EVC2: variants seen among roughly 807,000 people sequenced by gnomAD.
EVC2 encodes the protein limbin.
In EVC2, 148 loss-of-function variants were observed where a neutral mutation model predicts 149.3. The observed-to-expected ratio is 0.99, with a 90% CI of 0.87 to 1.14. EVC2 has a LOEUF of 1.14. Among genes scored for constraint, EVC2 ranks in the 50% most tolerant of loss-of-function variants. EVC2 has a pLI of 0.00. For missense variants in EVC2, 1,854 were observed against 1,627.3 expected, an observed-to-expected ratio of 1.14 and a Z score of -2.40; for synonymous variants, 776 against 649.9, an observed-to-expected ratio of 1.19 and a Z score of -2.95.
rs577497558 is a variant in EVC2 at position 5,569,306 on chromosome 4, G to C, written c.3361-666C>G. Among the ~76,000 whole-genome samples, 50 of 152,302 alleles carry C rather than the reference G, an allele frequency of 3.3e-4. No homozygotes were observed. Among genetic ancestry groups the C allele is most frequent in the African/African-American group, 1.1e-3 (47 of 41,560 alleles). On this transcript the variant is annotated intron_variant, in intron 19 of 21. Transcript: ENST00000344408. The surrounding 1 kb of genome is among the most constrained non-coding windows in gnomAD (Gnocchi z 4.8). Reference sequence around the variant, plus strand: ...CCTTTGTGGTGGTTGACAGCTCTGTGTCTTGATGGTGCTGCTGGTTACATG... The same window carrying C: ...CCTTTGTGGTGGTTGACAGCTCTGTCTCTTGATGGTGCTGCTGGTTACATG...
At chr4:5,538,497 C>T (rs1721458983), downstream of EVC2, among the ~76,000 whole-genome samples, 1 of 152,056 alleles carries the variant, frequency 6.6e-6, no homozygotes, top group African/African-American at 2.4e-5. Flanking sequence ...GATTCCAAAA[C>T]CAGACAAAGA....
chr4:5,573,358 T>C (rs1384274977), intron 19 of EVC2, among the ~76,000 whole-genome samples: 3 of 152,090 alleles, frequency 2.0e-5, no homozygotes, highest in Non-Finnish European at 4.4e-5. Context: ...TTTCCTGCTG[T>C]GTTAGGTCAG....
intron 16 of EVC2, among the ~76,000 whole-genome samples, chr4:5,589,751 G>A (rs1712618952): frequency 6.6e-6 from 1 of 152,090 alleles, no homozygotes. Flanking sequence ...TTTGTTTTAG[G>A]TAAGGAGTAA....
rs1190261021 is a variant in EVC2, at chr4:5,637,353, C to T, written c.1470+3161G>A. 6.6e-6 allele frequency among the ~76,000 whole-genome samples: 1 copy of T among 152,198 alleles called. No homozygotes were observed. The highest frequency in any genetic ancestry group is 6.5e-5 in the Admixed American group (1 of 15,276). On this transcript the variant is annotated intron_variant, in intron 10 of 21. Coordinates refer to ENST00000344408, the MANE Select transcript of EVC2 (RefSeq NM_147127.5). This position sits in a 1 kb window ranked among gnomAD's most constrained non-coding sequence, Gnocchi z 4.4. ...GGCATGCTGCTGGACATGAGGCTGA[C>T]TGTCCTCGGGCAGGTGAACCTTCCC...
chr4:5,634,462 T>G (rs1716758811), intron 10 of EVC2, among the ~76,000 whole-genome samples: 1 of 152,174 alleles, frequency 6.6e-6, no homozygotes, highest in Non-Finnish European at 1.5e-5. Context: ...TTATTTTAAT[T>G]AATAGAAATG....
chr4:5,588,063 A>G (rs1312160710), intron 16 of EVC2, among the ~76,000 whole-genome samples: 1 of 152,164 alleles, frequency 6.6e-6, no homozygotes, highest in Non-Finnish European at 1.5e-5. Flanking sequence ...ATTTCCTATA[A>G]CATTTCTTGG....
chr4:5,608,408 C>T (rs1238317307), intron 16 of EVC2, among the ~76,000 whole-genome samples: 1 of 152,220 alleles, frequency 6.6e-6, no homozygotes, highest in African/African-American at 2.4e-5. Context: ...ACTCTCAAGA[C>T]ATGATTGTGA....
At position 5,652,664 on chromosome 4, in the gene EVC2, G is replaced by A. The variant is rs965161010; in HGVS notation, c.1145+10443C>T. The stretch of plus-strand genomic sequence containing the variant: ...CAGGGTGAGGGAGATGGCAGGGAGG[G>A]TCTGCAGCCTTAGATGAGGATTCTT... On this transcript the variant is annotated intron_variant, in intron 9 of 21. Coordinates refer to ENST00000344408, the MANE Select transcript of EVC2 (RefSeq NM_147127.5). Among the ~76,000 whole-genome samples, 3 of 152,258 alleles carry A rather than the reference G, an allele frequency of 2.0e-5. No homozygotes were observed. In the East Asian group the frequency reaches 5.8e-4, roughly 29 times the overall value.
At chr4:5,697,698 G>A (rs750727256) in intron 1 of EVC2, 51 bp from the exon 2 acceptor site, 15 of 1,500,004 alleles carry the variant, frequency 1.0e-5, no homozygotes, top group African/African-American at 1.4e-5. Context: ...CTTCTGAGAA[G>A]TGATAATAAA....
intron 7 of EVC2, among the ~76,000 whole-genome samples, chr4:5,671,785 C>T (rs1179083706): frequency 2.0e-5 from 3 of 152,240 alleles, no homozygotes; most frequent in Non-Finnish European, 2.9e-5. Flanking sequence ...GTTGGGATTA[C>T]AGACGTCAGC....
intron 12 of EVC2, among the ~76,000 whole-genome samples, chr4:5,626,736 GCAT>G (rs1188842825): frequency 6.6e-6 from 1 of 152,188 alleles, no homozygotes; most frequent in Non-Finnish European, 1.5e-5. Flanking sequence ...GCATGAGCGG[GCAT>G]CATCCAATAT....
At position 5,686,105 on chromosome 4, in the gene EVC2, C is replaced by CAA. The variant is rs1560224758; in HGVS notation, c.707-627_707-626insTT. Among the ~76,000 whole-genome samples, 1 of 75,322 alleles carries CAA rather than the reference C, an allele frequency of 1.3e-5. No individual in the cohort carries two copies. Among genetic ancestry groups the CAA allele is most frequent in the Non-Finnish European group, 2.5e-5 (1 of 40,322 alleles). The allele number at this position is 75,322 out of a possible 152,430, so 49.4% of individuals were successfully genotyped here. A position where few individuals can be genotyped will look rare whatever the true frequency, so the allele number is the denominator to read the frequency against. On this transcript the variant is annotated intron_variant, in intron 5 of 21. Transcript: ENST00000344408. The surrounding 1 kb of genome is among the most constrained non-coding windows in gnomAD (Gnocchi z 5.4). ...CACACACATATATATTACACACACA[C>CAA]ACACACACACACACACACACACAGA... is the stretch of plus-strand genomic sequence containing the variant.
chr4:5,692,094 C>T (rs551060095), intron 3 of EVC2, among the ~76,000 whole-genome samples: 1 of 152,226 alleles, frequency 6.6e-6, no homozygotes, highest in Non-Finnish European at 1.5e-5. Flanking sequence ...CTCTGCCTTG[C>T]GCACCTGTCA....
chr4:5,557,137 C>T (rs1342265268), intron 21 of EVC2, among the ~76,000 whole-genome samples: 1 of 151,970 alleles, frequency 6.6e-6, no homozygotes. Flanking sequence ...AAACTAGAGA[C>T]CTATATCTCA....
At chr4:5,629,497 C>T (rs1168783563) in intron 11 of EVC2, among the ~76,000 whole-genome samples, 3 of 152,228 alleles carry the variant, frequency 2.0e-5, no homozygotes, top group Admixed American at 6.5e-5. Flanking sequence ...AGACCAGGAA[C>T]ATCAGTAGAA....
rs1448067172 is a variant in EVC2 at position 5,567,983 on chromosome 4, T to C, written c.3557+461A>G. ...TGCTGTAAGATTCTGAAATGCAGAA[T>C]GTAGCAAGGCTGTATCCACAGCGTG... On this transcript the variant is annotated intron_variant, in intron 20 of 21. Coordinates refer to ENST00000344408, the MANE Select transcript of EVC2 (RefSeq NM_147127.5). The surrounding 1 kb of genome is among the most constrained non-coding windows in gnomAD (Gnocchi z 4.4). Among the ~76,000 whole-genome samples the C allele has an allele frequency of 6.6e-6, 1 of 152,220 alleles. No individual in the cohort carries two copies. The highest frequency in any genetic ancestry group is 1.9e-4 in the East Asian group (1 of 5,200).
chr4:5,652,810 C>T (rs1189284150), intron 9 of EVC2, among the ~76,000 whole-genome samples: 2 of 152,180 alleles, frequency 1.3e-5, no homozygotes, highest in Non-Finnish European at 2.9e-5. Flanking sequence ...AAATGCAGCT[C>T]CCCAGGCCTG....
intron 6 of EVC2, 98 bp downstream of exon 6, chr4:5,685,272 G>A: frequency 1.7e-6 from 2 of 1,169,260 alleles, no homozygotes; most frequent in Non-Finnish European, 2.6e-6. Context: ...ACTGAAGGAA[G>A]GAAGGAACTA....
Position 5,622,059 on chromosome 4 carries a change from A to C in EVC2, c.2501+478T>G, listed in dbSNP as rs1715726043. On this transcript the variant is annotated intron_variant, in intron 14 of 21. Transcript: ENST00000344408. This position sits in a 1 kb window ranked among gnomAD's most constrained non-coding sequence, Gnocchi z 5.8. ...TGGTGGAAGAACTAACACGAAGGTC[A>C]AGATCATGAGCAGCCTTGATGCCTG... is the stretch of plus-strand genomic sequence containing the variant. Among the ~76,000 whole-genome samples, 1 of 152,004 alleles carries C rather than the reference A, an allele frequency of 6.6e-6. No homozygotes were observed. Among genetic ancestry groups the C allele is most frequent in the South Asian group, 2.1e-4 (1 of 4,802 alleles).
Sources: allele counts gnomAD v4.1 joint callset (sites outside exome capture counted in the v4.1 genomes callset), GRCh38; gene constraint gnomAD v4.1.1; non-coding constraint Gnocchi (gnomAD v3.1); transcripts MANE v1.5; gene names NCBI Gene and HGNC (gene_info 2026-07-23, HGNC 2026-07-21).